The following TFF3 variants were observed in gnomAD, a reference collection of about 807,000 sequenced individuals.
The protein encoded by TFF3 is trefoil factor 3, also known as polypeptide P1.B.
A neutral mutation model predicts 9.7 loss-of-function variants in TFF3; 6 were observed. The observed-to-expected ratio is 0.62, with a 90% CI of 0.34 to 1.22. The LOEUF is 1.22. TFF3 is among the 50% of genes most tolerant of loss of function. The probability of loss-of-function intolerance (pLI) is 0.04; values close to 1 mark genes in which losing one functional copy is unlikely to be tolerated. For missense variants in TFF3, 93 were observed against 98.6 expected, an observed-to-expected ratio of 0.94 and a Z score of 0.24; for synonymous variants, 48 against 41.4, an observed-to-expected ratio of 1.16 and a Z score of -0.61.
Position 42,313,475 on chromosome 21 carries a change from G to A in TFF3, c.229+10C>T. ...GCTGGGCCCAGACCACGATGCCACT[G>A]GGGCCTTACCTGCTTCCTGCAGGGG... On this transcript the variant is annotated intron_variant, in intron 2 of 2. Coordinates refer to ENST00000518498, the MANE Select transcript of TFF3 (RefSeq NM_003226.4). This position sits in a 1 kb window ranked among gnomAD's most constrained non-coding sequence, Gnocchi z 4.0. The A allele has an allele frequency of 6.2e-7, 1 of 1,603,366 alleles. No homozygotes were observed.
intron 1 of TFF3, among the ~76,000 whole-genome samples, chr21:42,314,084 CT>C (rs1452998748): frequency 6.6e-6 from 1 of 152,206 alleles, no homozygotes; most frequent in Non-Finnish European, 1.5e-5. Context: ...CTGCTTTTCA[CT>C]TTTTTCTGCA....
rs752417341 is a variant in TFF3 at position 42,312,176 on chromosome 21, AACAGTGCCTGGCAGCAATC to A, written c.*61_*79del. On this transcript the variant is annotated 3_prime_UTR_variant, in exon 3 of 3. Coordinates refer to ENST00000518498, the MANE Select transcript of TFF3 (RefSeq NM_003226.4). ...GCAAAGGGACAGAAAAGCTGAGATG[AACAGTGCCTGGCAGCAATC>A]ACAGCCGGGCAAGGGTGCTCCGAGC... 1.1e-5 allele frequency: 17 copies of A among 1,590,552 alleles called. No individual in the cohort carries two copies. The East Asian group carries it at 3.8e-4, about 36-fold the overall frequency.
chr21:42,314,171 G>A (rs2069346348), intron 1 of TFF3, among the ~76,000 whole-genome samples: 1 of 152,198 alleles, frequency 6.6e-6, no homozygotes. Flanking sequence ...TCATGTTTCA[G>A]GCAAGCCTCT....
chr21:42,312,102 A>T lies in TFF3; in HGVS notation c.*154T>A. The stretch of plus-strand genomic sequence containing the variant: ...GTGGAGCATGGGACCTTTATTCGTT[A>T]AGACATCAGGCTCCAGATATGAACT... On this transcript the variant is annotated 3_prime_UTR_variant, in exon 3 of 3. Transcript: ENST00000518498. The T allele has an allele frequency of 9.9e-7, 1 of 1,008,166 alleles. No homozygotes were observed. Among genetic ancestry groups the T allele is most frequent in the Non-Finnish European group, 1.6e-6 (1 of 632,728 alleles). The allele number at this position is 1,008,166 out of a possible 1,614,324, so 62.5% of individuals were successfully genotyped here. A position where few individuals can be genotyped will look rare whatever the true frequency, so the allele number is the denominator to read the frequency against.
chr21:42,314,128 C>T (rs2069346108), intron 1 of TFF3, among the ~76,000 whole-genome samples: 1 of 152,210 alleles, frequency 6.6e-6, no homozygotes, highest in East Asian at 1.9e-4. Flanking sequence ...GCATGTCCCA[C>T]CCTCCCGGGA....
chr21:42,313,433 A>AC lies in TFF3; in HGVS notation c.229+51dup. On this transcript the variant is annotated intron_variant, in intron 2 of 2. Transcript: ENST00000518498. The surrounding 1 kb of genome is among the most constrained non-coding windows in gnomAD (Gnocchi z 4.0). ...CCAGAAAGGACAGGGAGGCCCTGAG[A>AC]CCCCCTGCCTTATGGGGCTGGGCCC... 6.4e-7 allele frequency: 1 copy of AC among 1,551,092 alleles called. No individual in the cohort carries two copies. Among genetic ancestry groups the AC allele is most frequent in the South Asian group, 1.2e-5 (1 of 83,756 alleles).
chr21:42,313,736 GCCGAGTTCAACCA>G lies in TFF3; in HGVS notation c.83-118_83-106del. 7.3e-7 allele frequency: 1 copy of G among 1,360,808 alleles called. No individual in the cohort carries two copies. The highest frequency in any genetic ancestry group is 9.8e-7 in the Non-Finnish European group (1 of 1,024,200). The allele number at this position is 1,360,808 out of a possible 1,614,324, so 84.3% of individuals were successfully genotyped here. A position where few individuals can be genotyped will look rare whatever the true frequency, so the allele number is the denominator to read the frequency against. ...GCATCCTCCCGCTCCGCCCCACCCC[GCCGAGTTCAACCA>G]CTGCTGAAACCCTCGCCCTTAGGAA... On this transcript the variant is annotated intron_variant, in intron 1 of 2. Coordinates refer to ENST00000518498, the MANE Select transcript of TFF3 (RefSeq NM_003226.4). The surrounding 1 kb of genome is among the most constrained non-coding windows in gnomAD (Gnocchi z 4.0).
rs756225963 is a variant in TFF3 at position 42,315,388 on chromosome 21, T to G, written c.-14A>C. 1.6e-5 allele frequency: 26 copies of G among 1,614,004 alleles called. No individual in the cohort carries two copies. Among genetic ancestry groups the G allele is most frequent in the Admixed American group, 3.3e-5 (2 of 59,998 alleles). On this transcript the variant is annotated 5_prime_UTR_variant, in exon 1 of 3. Coordinates refer to ENST00000518498, the MANE Select transcript of TFF3 (RefSeq NM_003226.4). ...TCTGGCAGCCATGACCACCGTGGGCTCCGGGACGCAGCTCAGGACTCGCTT... is the reference window on the plus strand; with the variant it reads ...TCTGGCAGCCATGACCACCGTGGGCGCCGGGACGCAGCTCAGGACTCGCTT...
At position 42,312,016 on chromosome 21, in the gene TFF3, A is replaced by C; in HGVS notation, c.*240T>G. 5 of 681,032 alleles carry C rather than the reference A, an allele frequency of 7.3e-6. No individual in the cohort carries two copies. 42.2% of individuals were successfully genotyped at this position (681,032 alleles called of 1,614,324 possible). The stretch of plus-strand genomic sequence containing the variant: ...CCCTGACACCCTCCCGCCCTCTCCC[A>C]CGACGCAGCAGAAATAAAGCACAAC... On this transcript the variant is annotated 3_prime_UTR_variant, in exon 3 of 3. Coordinates refer to ENST00000518498, the MANE Select transcript of TFF3 (RefSeq NM_003226.4).
rs971437103 is a variant in TFF3 at position 42,313,596 on chromosome 21, C to A, written c.118G>T (p.Val40Leu). ...GTGACATGGGGGTAGCCGCAGTCCA[C>A]CCTGTCCTTGGCTGGCACGGCACAC... ...NQCAVPAKDR[V>L]DCGYPHVTPK... Residue 40 changes from valine to leucine, a missense_variant, in exon 2 of 3, where the codon GTG (valine) becomes TTG (leucine). By Grantham distance (32) the Val-to-Leu change is conservative. Transcript: ENST00000518498. The surrounding 1 kb of genome is among the most constrained non-coding windows in gnomAD (Gnocchi z 4.0). The A allele has an allele frequency of 1.4e-5, 23 of 1,610,848 alleles. No homozygotes were observed. Among genetic ancestry groups the A allele is most frequent in the Non-Finnish European group, 1.8e-5 (21 of 1,179,434 alleles).
At position 42,313,580 on chromosome 21, in the gene TFF3, G is replaced by C; in HGVS notation, c.134C>G (p.Pro45Arg). Reference sequence around the variant, plus strand: ...GTTGCACTCCTTGGGGGTGACATGGGGGTAGCCGCAGTCCACCCTGTCCTT... The same window carrying C: ...GTTGCACTCCTTGGGGGTGACATGGCGGTAGCCGCAGTCCACCCTGTCCTT... ...PAKDRVDCGY[P>R]HVTPKECNNR... The change falls in exon 2 of 3, where the codon CCC (proline) becomes CGC (arginine). Residue 45 changes from proline to arginine, a missense_variant. By Grantham distance (103) the Pro-to-Arg change is moderately radical. Coordinates refer to ENST00000518498, the MANE Select transcript of TFF3 (RefSeq NM_003226.4). The surrounding 1 kb of genome is among the most constrained non-coding windows in gnomAD (Gnocchi z 4.0). The C allele has an allele frequency of 6.2e-7, 1 of 1,611,274 alleles. No individual in the cohort carries two copies. Among genetic ancestry groups the C allele is most frequent in the Non-Finnish European group, 8.5e-7 (1 of 1,179,606 alleles).
At position 42,315,367 on chromosome 21, in the gene TFF3, GC is replaced by G. The variant is rs1400446216; in HGVS notation, c.7del (p.Ala3ProfsTer121). On this transcript the variant is annotated frameshift_variant, in exon 1 of 3. Coordinates refer to ENST00000518498, the MANE Select transcript of TFF3 (RefSeq NM_003226.4). LOFTEE classifies it high-confidence loss of function. MA[A>X]RALCMLGLVL... Reference sequence around the variant, plus strand: ...CAGCCCCAGCATGCAGAGCGCTCTGGCAGCCATGACCACCGTGGGCTCCGGG... The same window carrying G: ...CAGCCCCAGCATGCAGAGCGCTCTGGAGCCATGACCACCGTGGGCTCCGGG... 1 of 1,614,086 alleles carries G rather than the reference GC, an allele frequency of 6.2e-7. No individual in the cohort carries two copies. The highest frequency in any genetic ancestry group is 8.5e-7 in the Non-Finnish European group (1 of 1,180,052).
chr21:42,311,852 G>T lies in TFF3; in HGVS notation c.*404C>A. 1 of 339,276 alleles carries T rather than the reference G, an allele frequency of 2.9e-6. No individual in the cohort carries two copies. Among genetic ancestry groups the T allele is most frequent in the Non-Finnish European group, 5.5e-6 (1 of 181,618 alleles). The allele number at this position is 339,276 out of a possible 1,614,324, so 21.0% of individuals were successfully genotyped here. A position where few individuals can be genotyped will look rare whatever the true frequency, so the allele number is the denominator to read the frequency against. Reference sequence around the variant, plus strand: ...CTTCTACCTGAAATGTATTTTTTCTGCTTTCCCGAGGAAGCGGCACTTACA... The same window carrying T: ...CTTCTACCTGAAATGTATTTTTTCTTCTTTCCCGAGGAAGCGGCACTTACA... On this transcript the variant is annotated 3_prime_UTR_variant, in exon 3 of 3. Transcript: ENST00000518498.
Position 42,313,438 on chromosome 21 carries a change from C to T in TFF3, c.229+47G>A, listed in dbSNP as rs1188598909. 2 of 1,560,048 alleles carry T rather than the reference C, an allele frequency of 1.3e-6. No homozygotes were observed. Among genetic ancestry groups the T allele is most frequent in the Non-Finnish European group, 1.7e-6 (2 of 1,154,876 alleles). On this transcript the variant is annotated intron_variant, in intron 2 of 2. Transcript: ENST00000518498. The surrounding 1 kb of genome is among the most constrained non-coding windows in gnomAD (Gnocchi z 4.0). ...AAGGACAGGGAGGCCCTGAGACCCC[C>T]TGCCTTATGGGGCTGGGCCCAGACC...
In TFF3 at chr21:42,313,062, C is replaced by T. The variant is rs965277814; in HGVS notation, c.229+423G>A. On this transcript the variant is annotated intron_variant, in intron 2 of 2. Coordinates refer to ENST00000518498, the MANE Select transcript of TFF3 (RefSeq NM_003226.4). This position sits in a 1 kb window ranked among gnomAD's most constrained non-coding sequence, Gnocchi z 4.0. The stretch of plus-strand genomic sequence containing the variant: ...GAGTGGGGGAGGTGGGGTGTGGCAC[C>T]GAGGCCTGACGTCTAGGGCTGGGAC... Among the ~76,000 whole-genome samples the T allele has an allele frequency of 3.3e-5, 5 of 152,000 alleles. No individual in the cohort carries two copies. Among genetic ancestry groups the T allele is most frequent in the African/African-American group, 1.2e-4 (5 of 41,386 alleles).
chr21:42,312,003 C>A lies in TFF3; in HGVS notation c.*253G>T. 1.5e-6 allele frequency: 1 copy of A among 673,196 alleles called. No homozygotes were observed. Among genetic ancestry groups the A allele is most frequent in the Non-Finnish European group, 2.7e-6 (1 of 365,500 alleles). The allele number at this position is 673,196 out of a possible 1,614,324, so 41.7% of individuals were successfully genotyped here. On this transcript the variant is annotated 3_prime_UTR_variant, in exon 3 of 3. Transcript: ENST00000518498. ...TGGGCAGACTCTCCCCTGACACCCT[C>A]CCGCCCTCTCCCACGACGCAGCAGA... is the stretch of plus-strand genomic sequence containing the variant.
Position 42,313,096 on chromosome 21 carries a change from G to A in TFF3, c.229+389C>T, listed in dbSNP as rs1053244108. Among the ~76,000 whole-genome samples the A allele has an allele frequency of 7.9e-5, 12 of 152,222 alleles. No individual in the cohort carries two copies. The South Asian group carries it at 1.7e-3, about 21-fold the overall frequency. On this transcript the variant is annotated intron_variant, in intron 2 of 2. Transcript: ENST00000518498. The surrounding 1 kb of genome is among the most constrained non-coding windows in gnomAD (Gnocchi z 4.0). ...ACGTCTAGGGCTGGGACCGCCTGCC[G>A]TCTGTGTAGGGGATGCCACAAATGA...
At position 42,313,452 on chromosome 21, in the gene TFF3, T is replaced by TG. The variant is rs1301033991; in HGVS notation, c.229+32dup. On this transcript the variant is annotated intron_variant, in intron 2 of 2. Transcript: ENST00000518498. The surrounding 1 kb of genome is among the most constrained non-coding windows in gnomAD (Gnocchi z 4.0). The stretch of plus-strand genomic sequence containing the variant: ...CCTGAGACCCCCTGCCTTATGGGGC[T>TG]GGGCCCAGACCACGATGCCACTGGG... 11 of 1,586,706 alleles carry TG rather than the reference T, an allele frequency of 6.9e-6. No homozygotes were observed. The highest frequency in any genetic ancestry group is 9.4e-6 in the Non-Finnish European group (11 of 1,166,890).
intron 1 of TFF3, 24 bp downstream of exon 1, chr21:42,315,269 C>G: frequency 1.2e-6 from 2 of 1,600,602 alleles, no homozygotes; most frequent in Non-Finnish European, 1.7e-6. Context: ...ACCCTGCCAC[C>G]GGGGCAGTCA....
Sources: gnomAD v4.1 joint callset for allele counts (sites outside exome capture counted in the v4.1 genomes callset) on GRCh38, gnomAD v4.1.1 for gene constraint, Gnocchi (gnomAD v3.1) non-coding constraint, MANE v1.5 for transcripts, NCBI Gene and HGNC (gene_info 2026-07-23, HGNC 2026-07-21) for gene names.